CTNNA1: variants seen among roughly 807,000 people sequenced by gnomAD.
The protein encoded by CTNNA1 is catenin alpha-1.
In CTNNA1, 37 loss-of-function variants were observed where a neutral mutation model predicts 98.4. The observed-to-expected ratio is 0.38, with a 90% confidence interval of 0.29 to 0.49. CTNNA1 has a LOEUF of 0.49. CTNNA1 is among the 20% of genes least tolerant of loss of function. The probability of loss-of-function intolerance (pLI) is 0.95; values close to 1 mark genes in which losing one functional copy is unlikely to be tolerated. For synonymous variants in CTNNA1, 404 were observed against 413.2 expected, an observed-to-expected ratio of 0.98 and a Z score of 0.27; for missense variants, 761 against 1,147.2, an observed-to-expected ratio of 0.66 and a Z score of 4.86.
At chr5:138,865,405 C>G (rs1242639862) in intron 7 of CTNNA1, among the ~76,000 whole-genome samples, 1 of 152,332 alleles carries the variant, frequency 6.6e-6, no homozygotes, top group East Asian at 1.9e-4. Flanking sequence ...ACAACTCTGC[C>G]TGTTCTCTAG....
In CTNNA1 at chr5:138,934,094, G is replaced by A. The variant is rs1046663006; in HGVS notation, c.*5G>A. 4.4e-6 allele frequency: 7 copies of A among 1,605,382 alleles called. No homozygotes were observed. In the African/African-American group the frequency reaches 8.0e-5, roughly 18 times the overall value. ...AAAGCTATGGACAGCATCTAAGTCTGCCCAGGCCGGCCGCCCCCACCCCTC... is the reference window on the plus strand; with the variant it reads ...AAAGCTATGGACAGCATCTAAGTCTACCCAGGCCGGCCGCCCCCACCCCTC... On this transcript the variant is annotated 3_prime_UTR_variant, in exon 18 of 18. Coordinates refer to ENST00000302763, the MANE Select transcript of CTNNA1 (RefSeq NM_001903.5).
Position 138,874,123 on chromosome 5 carries a change from T to A in CTNNA1, c.1063-12089T>A. The A allele has an allele frequency of 1.2e-6, 2 of 1,613,766 alleles. No individual in the cohort carries two copies. The highest frequency in any genetic ancestry group is 1.7e-6 in the Non-Finnish European group (2 of 1,179,738). The stretch of plus-strand genomic sequence containing the variant: ...CATAGAAGAGCTCTGGGTGCAGAGA[T>A]GACAGCTGATTAAAAGACAGGTCCA... On this transcript the variant is annotated intron_variant, in intron 7 of 17. Coordinates refer to ENST00000302763, the MANE Select transcript of CTNNA1 (RefSeq NM_001903.5). The surrounding 1 kb of genome is among the most constrained non-coding windows in gnomAD (Gnocchi z 4.1).
chr5:138,810,830 C>T (rs925105870), intron 4 of CTNNA1, among the ~76,000 whole-genome samples: 16 of 152,334 alleles, frequency 1.1e-4, no homozygotes, highest in South Asian at 8.3e-4. Context: ...GGGTTTCGGC[C>T]GGGCAGAGGG....
intron 10 of CTNNA1, among the ~76,000 whole-genome samples, chr5:138,916,733 A>G (rs1229760635): frequency 6.6e-6 from 1 of 151,126 alleles, no homozygotes; most frequent in Non-Finnish European, 1.5e-5. Context: ...TATGTTATCC[A>G]GGCTTTAAAA....
In CTNNA1 at chr5:138,932,091, C is replaced by A. The variant is rs992133358; in HGVS notation, c.2299-487C>A. 1.6e-5 allele frequency: 16 copies of A among 986,116 alleles called. No individual in the cohort carries two copies. The African/African-American group carries it at 2.8e-4, about 17-fold the overall frequency. The allele number at this position is 986,116 out of a possible 1,614,324, so 61.1% of individuals were successfully genotyped here. A position where few individuals can be genotyped will look rare whatever the true frequency, so the allele number is the denominator to read the frequency against. ...TTCCACCTCAGCCTGCAGTGAGTGG[C>A]TTTTGTCATCAGGCATTAATAACGC... On this transcript the variant is annotated intron_variant, in intron 16 of 17. Transcript: ENST00000302763.
intron 3 of CTNNA1, among the ~76,000 whole-genome samples, chr5:138,803,281 G>A (rs1757760783): frequency 6.6e-6 from 1 of 151,908 alleles, no homozygotes; most frequent in Non-Finnish European, 1.5e-5. Context: ...AGCCTCCCAA[G>A]TAGCTAAGAC....
At chr5:138,904,596 T>C in intron 10 of CTNNA1, 155 bp downstream of exon 10, 1 of 1,007,820 alleles carries the variant, frequency 9.9e-7, no homozygotes, top group East Asian at 2.7e-5. Flanking sequence ...TAGTTTGGAA[T>C]ATTTTTTGTT....
intron 5 of CTNNA1, among the ~76,000 whole-genome samples, chr5:138,815,836 C>G (rs1283201858): frequency 6.6e-6 from 1 of 152,152 alleles, no homozygotes; most frequent in Non-Finnish European, 1.5e-5. Flanking sequence ...TTGTGGGCTC[C>G]TGTGTACCCC....
rs184397245 is a variant in CTNNA1 at position 138,865,535 on chromosome 5, C to T, written c.1063-20677C>T. The stretch of plus-strand genomic sequence containing the variant: ...AGCGAAACCAATGTGCTGCTTTATC[C>T]GATGAAAGCTGTTGGTTTTATTCTT... On this transcript the variant is annotated intron_variant, in intron 7 of 17. Coordinates refer to ENST00000302763, the MANE Select transcript of CTNNA1 (RefSeq NM_001903.5). Among the ~76,000 whole-genome samples, 524 of 152,254 alleles carry T rather than the reference C, an allele frequency of 3.4e-3. 1 individual carries two copies. Among genetic ancestry groups the T allele is most frequent in the Middle Eastern group, 0.014 (4 of 294 alleles).
At chr5:138,767,727 G>A (rs536910448) in intron 1 of CTNNA1, among the ~76,000 whole-genome samples, 1 of 152,146 alleles carries the variant, frequency 6.6e-6, no homozygotes, top group South Asian at 2.1e-4. Flanking sequence ...TCAATTACTC[G>A]ATAGAAACTA....
rs200342369 is a variant in CTNNA1, at chr5:138,812,239, C to A, written c.525C>A (p.Ile175=). The change falls in exon 5 of 18, where the codon ATC becomes ATA. Residue 175 remains isoleucine (I), a synonymous_variant. Transcript: ENST00000302763. ...RNAGNEQDLG[I]QYKALKPEVD... is the part of the protein sequence containing the mutation. ...CTGGCAATGAACAAGACTTAGGAATCCAGTATAAAGCCCTAAAACCTGAAG... is the reference window on the plus strand; with the variant it reads ...CTGGCAATGAACAAGACTTAGGAATACAGTATAAAGCCCTAAAACCTGAAG... 1.9e-6 allele frequency: 3 copies of A among 1,613,482 alleles called. No homozygotes were observed. The highest frequency in any genetic ancestry group is 8.5e-7 in the Non-Finnish European group (1 of 1,179,546).
intron 4 of CTNNA1, among the ~76,000 whole-genome samples, chr5:138,811,051 C>T (rs1457708592): frequency 6.6e-6 from 1 of 152,012 alleles, no homozygotes; most frequent in Non-Finnish European, 1.5e-5. Flanking sequence ...GGGGTGGCTG[C>T]CGGGCGGAGA....
At position 138,758,363 on chromosome 5, in the gene CTNNA1, G is replaced by A. The variant is rs543727086; in HGVS notation, c.-3+4853G>A. ...ACTGCAGGCGCCTGCCACCACACCC[G>A]GCTAACTTTTTTTGTTTGTTTGTTG... is the stretch of plus-strand genomic sequence containing the variant. On this transcript the variant is annotated intron_variant, in intron 1 of 17. Transcript: ENST00000302763. Among the ~76,000 whole-genome samples the A allele has an allele frequency of 1.7e-3, 253 of 149,494 alleles. 2 individuals are homozygous for A. The highest frequency in any genetic ancestry group is 5.7e-3 in the African/African-American group (231 of 40,416).
chr5:138,833,894 G>A (rs1249124624), intron 7 of CTNNA1, among the ~76,000 whole-genome samples: 1 of 152,138 alleles, frequency 6.6e-6, no homozygotes, highest in Non-Finnish European at 1.5e-5. Context: ...GTAGTTGTAG[G>A]ATCCCAAAAG....
chr5:138,931,658 T>C, intron 16 of CTNNA1: 3 of 985,468 alleles, frequency 3.0e-6, no homozygotes, highest in Non-Finnish European at 3.6e-6. Flanking sequence ...CCATAGCCAC[T>C]TGGACTACTG....
At chr5:138,773,713 AT>A (rs757583665) in intron 1 of CTNNA1, among the ~76,000 whole-genome samples, 470 of 141,896 alleles carry the variant, frequency 3.3e-3, no homozygotes, top group Middle Eastern at 3.6e-3. Flanking sequence ...TGGTGAATTA[AT>A]TTTTTTTTTT....
Position 138,875,463 on chromosome 5 carries a change from G to A in CTNNA1, c.1063-10749G>A, listed in dbSNP as rs145725680. 5.1e-6 allele frequency: 5 copies of A among 985,496 alleles called. No individual in the cohort carries two copies. In the East Asian group the frequency reaches 4.5e-4, roughly 89 times the overall value. The allele number at this position is 985,496 out of a possible 1,614,324, so 61.0% of individuals were successfully genotyped here. A position where few individuals can be genotyped will look rare whatever the true frequency, so the allele number is the denominator to read the frequency against. On this transcript the variant is annotated intron_variant, in intron 7 of 17. Transcript: ENST00000302763. ...GCACCATGCTTTGTAACAGCATCGG[G>A]GTCGTTGCAGGACCCCCTGATTACA...
chr5:138,865,275 T>G (rs1396000059), intron 7 of CTNNA1, among the ~76,000 whole-genome samples: 1 of 152,194 alleles, frequency 6.6e-6, no homozygotes, highest in Non-Finnish European at 1.5e-5. Context: ...GGTTCATTCT[T>G]GCAGAACTTC....
intron 1 of CTNNA1, among the ~76,000 whole-genome samples, chr5:138,762,579 CACTT>C (rs963191531): frequency 1.3e-5 from 2 of 151,808 alleles, no homozygotes; most frequent in African/African-American, 2.4e-5. Flanking sequence ...CATGTATTTC[CACTT>C]ACTTGTTGAT....
Sources: allele counts gnomAD v4.1 joint callset (sites outside exome capture counted in the v4.1 genomes callset), GRCh38; gene constraint gnomAD v4.1.1; non-coding constraint Gnocchi (gnomAD v3.1); transcripts MANE v1.5; gene names NCBI Gene and HGNC (gene_info 2026-07-23, HGNC 2026-07-21).